ADGRB3: variants seen among roughly 807,000 people sequenced by gnomAD.
The protein encoded by ADGRB3 is adhesion G protein-coupled receptor B3.
A neutral mutation model predicts 193.4 loss-of-function variants in ADGRB3; 37 were observed. The observed-to-expected ratio is 0.19, with a 90% CI of 0.15 to 0.25. The LOEUF is 0.25. Ranked by LOEUF, ADGRB3 falls within the 10% of genes least tolerant of loss-of-function variation. The pLI, the probability that ADGRB3 is intolerant of heterozygous loss-of-function variation, is 1.00. For synonymous variants in ADGRB3, 690 were observed against 644.2 expected, an observed-to-expected ratio of 1.07 and a Z score of -1.08; for missense variants, 1,637 against 1,852.9, an observed-to-expected ratio of 0.88 and a Z score of 2.14.
At chr6:69,347,656 G>T (rs185924151) in intron 26 of ADGRB3, among the ~76,000 whole-genome samples, 6 of 152,150 alleles carry the variant, frequency 3.9e-5, no homozygotes, top group Admixed American at 6.5e-5. Context: ...GTGGTGGTGT[G>T]CACCTGTATT....
intron 17 of ADGRB3, among the ~76,000 whole-genome samples, chr6:69,194,349 C>T (rs896813803): frequency 6.6e-6 from 1 of 152,026 alleles, no homozygotes; most frequent in Admixed American, 6.6e-5. Context: ...TGATACTGGC[C>T]AGGTTTATAC....
chr6:69,171,086 A>G (rs575994232), intron 17 of ADGRB3, among the ~76,000 whole-genome samples: 46 of 152,302 alleles, frequency 3.0e-4, no homozygotes, highest in African/African-American at 1.0e-3. Context: ...CTAAAATACT[A>G]ATATTTTCAC....
chr6:68,824,915 C>T lies in ADGRB3; in HGVS notation c.758-105644C>T, dbSNP rs114866211. On this transcript the variant is annotated intron_variant, in intron 3 of 31. Coordinates refer to ENST00000370598, the MANE Select transcript of ADGRB3 (RefSeq NM_001704.3). ...TGTCGCCCAAGCTGGAGTGCAGTGGCGCGATCTCCCTCACGGCAACCTCCG... is the reference window on the plus strand; with the variant it reads ...TGTCGCCCAAGCTGGAGTGCAGTGGTGCGATCTCCCTCACGGCAACCTCCG... Among the ~76,000 whole-genome samples the T allele has an allele frequency of 5.4e-3, 819 of 151,996 alleles. 7 individuals are homozygous for T. The highest frequency in any genetic ancestry group is 0.019 in the African/African-American group (768 of 41,434).
At chr6:68,647,415 G>A (rs1485947363) in intron 3 of ADGRB3, among the ~76,000 whole-genome samples, 1 of 151,834 alleles carries the variant, frequency 6.6e-6, no homozygotes. Flanking sequence ...GCACAGTTTT[G>A]GAAACTTTGT....
At chr6:68,702,854 A>G (rs1334638671) in intron 3 of ADGRB3, among the ~76,000 whole-genome samples, 1 of 152,210 alleles carries the variant, frequency 6.6e-6, no homozygotes, top group African/African-American at 2.4e-5. Context: ...CGACTGAAAT[A>G]TAAAATATGT....
At chr6:68,873,588 T>C (rs1449480182) in intron 3 of ADGRB3, among the ~76,000 whole-genome samples, 4 of 152,140 alleles carry the variant, frequency 2.6e-5, no homozygotes, top group African/African-American at 4.8e-5. Flanking sequence ...CTGAGGGAAA[T>C]TTCATGATTA....
intron 17 of ADGRB3, among the ~76,000 whole-genome samples, chr6:69,129,118 A>G (rs575277789): frequency 6.6e-6 from 1 of 152,264 alleles, no homozygotes; most frequent in African/African-American, 2.4e-5. Flanking sequence ...ACTCACCTTC[A>G]CAGCTTAATG....
intron 3 of ADGRB3, among the ~76,000 whole-genome samples, chr6:68,848,652 A>T (rs568750795): frequency 8.1e-4 from 123 of 152,120 alleles, no homozygotes; most frequent in Admixed American, 1.6e-3. Context: ...TGTGTTATTA[A>T]GTCTAAATTC....
intron 29 of ADGRB3, among the ~76,000 whole-genome samples, chr6:69,368,668 G>A (rs1036284365): frequency 6.6e-6 from 1 of 151,954 alleles, no homozygotes; most frequent in Non-Finnish European, 1.5e-5. Flanking sequence ...CCAACAAAGG[G>A]GACTTCAGCA....
At chr6:68,793,558 T>C (rs1767149592) in intron 3 of ADGRB3, among the ~76,000 whole-genome samples, 1 of 152,200 alleles carries the variant, frequency 6.6e-6, no homozygotes, top group Non-Finnish European at 1.5e-5. Flanking sequence ...AAGACGAGTC[T>C]CACTTTGTCA....
chr6:68,854,763 C>G (rs1330333460), intron 3 of ADGRB3, among the ~76,000 whole-genome samples: 1 of 152,160 alleles, frequency 6.6e-6, no homozygotes, highest in Non-Finnish European at 1.5e-5. Context: ...CTCTAGGGCA[C>G]AGATTTCTCT....
intron 3 of ADGRB3, among the ~76,000 whole-genome samples, chr6:68,881,484 G>A (rs1027985265): frequency 6.6e-6 from 1 of 152,082 alleles, no homozygotes; most frequent in Non-Finnish European, 1.5e-5. Context: ...GGCATGCAAG[G>A]CAGTGTACTC....
At chr6:69,283,186 A>T (rs2127287316) in intron 20 of ADGRB3, among the ~76,000 whole-genome samples, 1 of 152,326 alleles carries the variant, frequency 6.6e-6, no homozygotes, top group South Asian at 2.1e-4. Flanking sequence ...GGGGACTGGG[A>T]GATATATTAA....
At chr6:69,073,009 C>G (rs1772121206) in intron 16 of ADGRB3, among the ~76,000 whole-genome samples, 1 of 152,188 alleles carries the variant, frequency 6.6e-6, no homozygotes, top group Admixed American at 6.5e-5. Context: ...GAACCCATTT[C>G]TTCTATGAAA....
chr6:69,166,010 A>G (rs554004783), intron 17 of ADGRB3, among the ~76,000 whole-genome samples: 38 of 152,224 alleles, frequency 2.5e-4, no homozygotes, highest in African/African-American at 8.4e-4. Context: ...AATACTTCTG[A>G]TAGAACCATT....
At chr6:69,069,750 A>G (rs1772023322) in intron 16 of ADGRB3, among the ~76,000 whole-genome samples, 1 of 144,294 alleles carries the variant, frequency 6.9e-6, no homozygotes, top group Non-Finnish European at 1.5e-5. Context: ...AAAAAAAAAA[A>G]GAAAGAAAGA....
intron 17 of ADGRB3, among the ~76,000 whole-genome samples, chr6:69,076,650 A>T (rs1472669283): frequency 6.6e-6 from 1 of 152,054 alleles, no homozygotes; most frequent in Non-Finnish European, 1.5e-5. Flanking sequence ...TATTTTATTG[A>T]TAATCCTGAG....
At chr6:68,785,070 A>G (rs1315978990) in intron 3 of ADGRB3, among the ~76,000 whole-genome samples, 1 of 152,154 alleles carries the variant, frequency 6.6e-6, no homozygotes, top group African/African-American at 2.4e-5. Flanking sequence ...GAGCTTCATC[A>G]TCACTATTTA....
intron 20 of ADGRB3, among the ~76,000 whole-genome samples, chr6:69,258,388 G>C (rs1198364632): frequency 6.6e-6 from 1 of 152,128 alleles, no homozygotes; most frequent in Non-Finnish European, 1.5e-5. Context: ...ACAGAGACTT[G>C]TCAACATAAG....
Sources: gnomAD v4.1 joint callset for allele counts (sites outside exome capture counted in the v4.1 genomes callset) on GRCh38, gnomAD v4.1.1 for gene constraint, MANE v1.5 for transcripts, NCBI Gene and HGNC (gene_info 2026-07-23, HGNC 2026-07-21) for gene names.